The following SCN3A variants were observed in gnomAD, a reference collection of about 807,000 sequenced individuals.
SCN3A encodes the protein sodium channel protein type 3 subunit alpha.
A neutral mutation model predicts 187.6 loss-of-function variants in SCN3A; 60 were observed. The ratio of observed to expected loss-of-function variants is 0.32; its 90% CI spans 0.26 to 0.40. The LOEUF is 0.40. Ranked by LOEUF, SCN3A falls within the 10% of genes least tolerant of loss-of-function variation. The probability of loss-of-function intolerance (pLI) is 1.00; values close to 1 mark genes in which losing one functional copy is unlikely to be tolerated. For missense variants in SCN3A, 1,601 were observed against 2,428.2 expected (o/e 0.66, Z 7.16); for synonymous variants, 788 against 829.2 (o/e 0.95, Z 0.85).
chr2:165,094,038 AG>A, intron 26 of SCN3A: 1 of 334,476 alleles, frequency 3.0e-6, no homozygotes, highest in Non-Finnish European at 5.6e-6. Context: ...GAGAGTATAG[AG>A]GGAGGCCTTG....
intron 21 of SCN3A, among the ~76,000 whole-genome samples, chr2:165,100,935 C>T (rs1685577179): frequency 6.6e-6 from 1 of 152,124 alleles, no homozygotes; most frequent in African/African-American, 2.4e-5. Flanking sequence ...CTTAACATGT[C>T]TAACGCTGTC....
chr2:165,162,887 A>T, intron 7 of SCN3A, 59 bp from the exon 8 acceptor site: 2 of 1,568,576 alleles, frequency 1.3e-6, no homozygotes, highest in Non-Finnish European at 1.8e-6. Flanking sequence ...TGATTTCTTA[A>T]TAGTCACACA....
At chr2:165,200,730 G>GT (rs148253550) in intron 1 of SCN3A, among the ~76,000 whole-genome samples, 1 of 152,148 alleles carries the variant, frequency 6.6e-6, no homozygotes, top group East Asian at 1.9e-4. Context: ...GCCTAGGGTG[G>GT]TTGAAGGGAA....
chr2:165,094,078 A>G (rs1685243342), intron 26 of SCN3A: 1 of 397,924 alleles, frequency 2.5e-6, no homozygotes, highest in Non-Finnish European at 4.6e-6. Flanking sequence ...CTAGAGGAGG[A>G]GGAACCAGGT....
chr2:165,161,288 G>C (rs368658654), intron 9 of SCN3A, among the ~76,000 whole-genome samples: 22 of 151,640 alleles, frequency 1.5e-4, no homozygotes, highest in African/African-American at 4.8e-4. Flanking sequence ...AACTATTAAA[G>C]GGACAGAATA....
At chr2:165,105,421 C>T (rs938959440) in intron 21 of SCN3A, among the ~76,000 whole-genome samples, 4 of 152,050 alleles carry the variant, frequency 2.6e-5, no homozygotes, top group African/African-American at 9.7e-5. Context: ...GACAAGGGCA[C>T]CCGGAATTTC....
chr2:165,203,756 A>G (rs1407139076), intron 1 of SCN3A, 67 bp downstream of exon 1: 1 of 151,946 alleles, frequency 6.6e-6, no homozygotes, highest in East Asian at 1.9e-4. Flanking sequence ...AGATGATTTT[A>G]AAGTAAGGAA....
Position 165,162,620 on chromosome 2 carries a change from T to A in SCN3A, c.903A>T (p.Ser301=), listed in dbSNP as rs1339159977. ...TTGTTACATTAACAAATGTCCCATT[T>A]GAATCCATTGTGCCATTAAAGTAGG... The part of the protein sequence containing the change: ...TTSYFNGTMD[S]NGTFVNVTMS... Residue 301 remains serine, a synonymous_variant, in exon 8 of 28, where the codon TCA becomes TCT. Coordinates refer to ENST00000283254, the MANE Select transcript of SCN3A (RefSeq NM_006922.4). The A allele has an allele frequency of 6.2e-7, 1 of 1,614,186 alleles. No homozygotes were observed. The highest frequency in any genetic ancestry group is 8.5e-7 in the Non-Finnish European group (1 of 1,180,012).
intron 21 of SCN3A, among the ~76,000 whole-genome samples, chr2:165,100,647 C>A (rs530129061): frequency 1.3e-5 from 2 of 152,086 alleles, no homozygotes; most frequent in Non-Finnish European, 2.9e-5. Context: ...TTTATCAACA[C>A]GTGTCAATAT....
rs1689065527 is a variant in SCN3A at position 165,156,655 on chromosome 2, T to G, written c.1032-752A>C. Among the ~76,000 whole-genome samples, 2 of 151,952 alleles carry G rather than the reference T, an allele frequency of 1.3e-5. 1 individual carries two copies. Among genetic ancestry groups the G allele is most frequent in the Admixed American group, 1.3e-4 (2 of 15,256 alleles). On this transcript the variant is annotated intron_variant, in intron 9 of 27. Coordinates refer to ENST00000283254, the MANE Select transcript of SCN3A (RefSeq NM_006922.4). ...AGTTAATATTTATAACAATTTTTTA[T>G]TTACAGAAAAAGTATGAGGATAGTA... is the stretch of plus-strand genomic sequence containing the variant.
intron 3 of SCN3A, among the ~76,000 whole-genome samples, chr2:165,172,080 T>C (rs940579458): frequency 1.8e-4 from 28 of 152,270 alleles, no homozygotes; most frequent in African/African-American, 6.0e-4. Flanking sequence ...ATTTATATTG[T>C]CAGTATAAAG....
chr2:165,128,754 G>T (rs1220377555), intron 17 of SCN3A, among the ~76,000 whole-genome samples: 1 of 152,048 alleles, frequency 6.6e-6, no homozygotes, highest in East Asian at 1.9e-4. Context: ...CAGGGTTTAG[G>T]CTAGACCCAC....
chr2:165,099,983 T>C lies in SCN3A; in HGVS notation c.3966+319A>G, dbSNP rs183830792. Among the ~76,000 whole-genome samples, 42 of 152,300 alleles carry C rather than the reference T, an allele frequency of 2.8e-4. No individual in the cohort carries two copies. In the East Asian group the frequency reaches 7.3e-3, roughly 27 times the overall value. On this transcript the variant is annotated intron_variant, in intron 22 of 27. Coordinates refer to ENST00000283254, the MANE Select transcript of SCN3A (RefSeq NM_006922.4). The stretch of plus-strand genomic sequence containing the variant: ...ACTCCCCACCACGGATGAATGTCAG[T>C]AGTCAGTAGTCATTTCAAGGGGTGT...
chr2:165,114,116 C>T, intron 19 of SCN3A, 146 bp from the exon 20 acceptor site: 1 of 559,474 alleles, frequency 1.8e-6, no homozygotes, highest in Admixed American at 3.1e-5. Flanking sequence ...CGTCAGCATC[C>T]CTCCTGTATA....
At position 165,128,645 on chromosome 2, in the gene SCN3A, G is replaced by A. The variant is rs1405257155; in HGVS notation, c.2923-544C>T. Among the ~76,000 whole-genome samples, 3 of 152,332 alleles carry A rather than the reference G, an allele frequency of 2.0e-5. No individual in the cohort carries two copies. The East Asian group carries it at 5.8e-4, about 29-fold the overall frequency. On this transcript the variant is annotated intron_variant, in intron 17 of 27. Coordinates refer to ENST00000283254, the MANE Select transcript of SCN3A (RefSeq NM_006922.4). ...CTTTTATAACAGCAGAAATTTCTAA[G>A]TGCAAATTATATACGATTTAACACG... is the stretch of plus-strand genomic sequence containing the variant.
intron 15 of SCN3A, among the ~76,000 whole-genome samples, chr2:165,132,321 C>A (rs577400277): frequency 7.9e-5 from 12 of 152,196 alleles, no homozygotes; most frequent in Non-Finnish European, 1.5e-4. Flanking sequence ...CTGCATCGCC[C>A]AGTCAATCCT....
At position 165,162,390 on chromosome 2, in the gene SCN3A, A is replaced by C. The variant is rs775061472; in HGVS notation, c.968-19T>G. 8.9e-5 allele frequency: 142 copies of C among 1,601,762 alleles called. No individual in the cohort carries two copies. Among genetic ancestry groups the C allele is most frequent in the East Asian group, 1.4e-4 (6 of 44,304 alleles). On this transcript the variant is annotated intron_variant, in intron 8 of 27. Transcript: ENST00000283254. ...AAGTGACCTGTTAATACAAAAAAAA[A>C]CCCATTTTATTTCATATTAATCCTA...
chr2:165,163,227 TGTCTC>T (rs1689517931), intron 7 of SCN3A, among the ~76,000 whole-genome samples: 1 of 93,368 alleles, frequency 1.1e-5, no homozygotes, highest in African/African-American at 5.9e-5. Flanking sequence ...GTAAGTCTCA[TGTCTC>T]ATGCCATATA....
intron 15 of SCN3A, among the ~76,000 whole-genome samples, chr2:165,134,147 A>G (rs929077968): frequency 1.3e-5 from 2 of 152,188 alleles, no homozygotes; most frequent in African/African-American, 2.4e-5. Flanking sequence ...TGTAATTGAG[A>G]TTAATAAGTC....
Sources: allele counts gnomAD v4.1 joint callset (sites outside exome capture counted in the v4.1 genomes callset), GRCh38; gene constraint gnomAD v4.1.1; transcripts MANE v1.5; gene names NCBI Gene and HGNC (gene_info 2026-07-23, HGNC 2026-07-21).